The following CNTNAP2 variants were observed in gnomAD, a reference collection of about 807,000 sequenced individuals.
The protein encoded by CNTNAP2 is contactin-associated protein-like 2.
Under a neutral mutation model 155.2 loss-of-function variants are expected in CNTNAP2, and 98 were observed. That is an observed-to-expected ratio of 0.63 (90% CI 0.54 to 0.75). The LOEUF (loss-of-function observed/expected upper bound fraction) is 0.75, where lower values mean the gene tolerates loss of function less well. CNTNAP2 is among the 30% of genes least tolerant of loss of function. CNTNAP2 has a pLI of 0.00. For missense variants in CNTNAP2, 1,727 were observed against 1,688.1 expected (o/e 1.02, Z -0.40); for synonymous variants, 651 against 631.2 (o/e 1.03, Z -0.47).
chr7:147,014,274 G>GT (rs1225201975), intron 3 of CNTNAP2, among the ~76,000 whole-genome samples: 1 of 151,872 alleles, frequency 6.6e-6, no homozygotes, highest in East Asian at 1.9e-4. Context: ...TTTTTCATAG[G>GT]TTTTTTTCTA....
At chr7:147,693,955 T>A (rs376308781) in intron 13 of CNTNAP2, among the ~76,000 whole-genome samples, 6 of 152,238 alleles carry the variant, frequency 3.9e-5, no homozygotes, top group African/African-American at 9.6e-5. Context: ...TTTCTAACTA[T>A]TAAATACATT....
chr7:146,723,987 G>A (rs1801384016), intron 1 of CNTNAP2, among the ~76,000 whole-genome samples: 1 of 152,020 alleles, frequency 6.6e-6, no homozygotes, highest in Admixed American at 6.6e-5. Context: ...CTGTGCACTC[G>A]TTGGGACATA....
At chr7:146,236,809 T>A (rs148987125) in intron 1 of CNTNAP2, among the ~76,000 whole-genome samples, 1 of 150,880 alleles carries the variant, frequency 6.6e-6, no homozygotes, top group Non-Finnish European at 1.5e-5. Flanking sequence ...GATTGTAAGT[T>A]ATTAATTAAT....
At chr7:147,076,484 A>AT (rs766066184) in intron 4 of CNTNAP2, among the ~76,000 whole-genome samples, 11 of 151,750 alleles carry the variant, frequency 7.2e-5, no homozygotes, top group African/African-American at 1.7e-4. Flanking sequence ...GGGTTGTTTG[A>AT]TTTTTTCTTG....
intron 10 of CNTNAP2, among the ~76,000 whole-genome samples, chr7:147,461,147 G>A (rs1798016111): frequency 1.3e-5 from 2 of 152,064 alleles, no homozygotes; most frequent in Non-Finnish European, 2.9e-5. Context: ...TATAAGTGAG[G>A]CCTGCTTCAC....
intron 21 of CNTNAP2, among the ~76,000 whole-genome samples, chr7:148,293,192 G>A (rs1797221382): frequency 2.0e-5 from 3 of 152,062 alleles, no homozygotes; most frequent in South Asian, 2.1e-4. Flanking sequence ...TGCATTCCTG[G>A]ACATTCACGC....
Position 147,133,342 on chromosome 7 carries a change from G to A in CNTNAP2, c.1348+833G>A, listed in dbSNP as rs189397745. Reference sequence around the variant, plus strand: ...TGTGAAGAACTACTTAGAAATGGGAGATACAAAGAAAACTAACATTTACTG... The same window carrying A: ...TGTGAAGAACTACTTAGAAATGGGAAATACAAAGAAAACTAACATTTACTG... On this transcript the variant is annotated intron_variant, in intron 8 of 23. Coordinates refer to ENST00000361727, the MANE Select transcript of CNTNAP2 (RefSeq NM_014141.6). Among the ~76,000 whole-genome samples the A allele has an allele frequency of 3.5e-3, 530 of 152,132 alleles. 4 individuals carry two copies. The highest frequency in any genetic ancestry group is 0.012 in the African/African-American group (514 of 41,532).
intron 1 of CNTNAP2, among the ~76,000 whole-genome samples, chr7:146,505,382 C>T (rs1797367829): frequency 6.6e-6 from 1 of 152,170 alleles, no homozygotes; most frequent in African/African-American, 2.4e-5. Flanking sequence ...AAATACAGGC[C>T]AAGCTTTCAT....
At chr7:148,085,385 C>T (rs1026419874) in intron 15 of CNTNAP2, among the ~76,000 whole-genome samples, 6 of 152,288 alleles carry the variant, frequency 3.9e-5, no homozygotes, top group Admixed American at 3.9e-4. Context: ...TAAGCATCAA[C>T]ATAGCTTTTC....
intron 11 of CNTNAP2, among the ~76,000 whole-genome samples, chr7:147,513,290 A>G (rs1292132838): frequency 6.6e-6 from 1 of 152,112 alleles, no homozygotes; most frequent in Admixed American, 6.5e-5. Flanking sequence ...GTTTGTCTAA[A>G]TGCCCGAATG....
chr7:147,952,260 C>T (rs79784571), intron 14 of CNTNAP2, among the ~76,000 whole-genome samples: 5,950 of 20,458 alleles, frequency 0.29, 1,867 homozygotes, highest in East Asian at 0.6. Flanking sequence ...CTGAACAACA[C>T]GGAGAAACCC....
intron 17 of CNTNAP2, among the ~76,000 whole-genome samples, chr7:148,168,383 T>TA (rs1002440548): frequency 6.6e-6 from 1 of 151,984 alleles, no homozygotes; most frequent in African/African-American, 2.4e-5. Flanking sequence ...TACGCAGCCA[T>TA]AAAAAATGAT....
chr7:146,219,783 C>A (rs1438102461), intron 1 of CNTNAP2, among the ~76,000 whole-genome samples: 3 of 152,106 alleles, frequency 2.0e-5, no homozygotes, highest in African/African-American at 7.2e-5. Flanking sequence ...GAGCTGATGG[C>A]AGCATCTGTG....
intron 1 of CNTNAP2, among the ~76,000 whole-genome samples, chr7:146,698,303 CTGAG>C (rs1185314273): frequency 6.6e-6 from 1 of 151,822 alleles, no homozygotes; most frequent in East Asian, 1.9e-4. Flanking sequence ...ATTTTTTTCT[CTGAG>C]TAATTTCTTT....
At chr7:146,929,051 A>G (rs1449787070) in intron 3 of CNTNAP2, among the ~76,000 whole-genome samples, 1 of 152,216 alleles carries the variant, frequency 6.6e-6, no homozygotes, top group Non-Finnish European at 1.5e-5. Context: ...CTGCAGACTT[A>G]AATGTCCCTG....
chr7:147,604,777 C>T (rs1330732531), intron 12 of CNTNAP2, among the ~76,000 whole-genome samples: 3 of 152,146 alleles, frequency 2.0e-5, no homozygotes, highest in Non-Finnish European at 4.4e-5. Context: ...AATGCACCTG[C>T]ATTATGTTGT....
chr7:146,897,752 G>A (rs751168534), intron 3 of CNTNAP2, among the ~76,000 whole-genome samples: 34 of 151,970 alleles, frequency 2.2e-4, no homozygotes, highest in Non-Finnish European at 3.8e-4. Flanking sequence ...CCACTCTGCA[G>A]AATCAATTGA....
At chr7:146,711,272 TATATA>T (rs1427473828) in intron 1 of CNTNAP2, among the ~76,000 whole-genome samples, 1 of 146,912 alleles carries the variant, frequency 6.8e-6, no homozygotes, top group African/African-American at 2.5e-5. Flanking sequence ...AAATATATAA[TATATA>T]ATAGAAAACA....
At chr7:147,825,539 C>T (rs10280385) in intron 13 of CNTNAP2, among the ~76,000 whole-genome samples, 2,181 of 152,162 alleles carry the variant, frequency 0.014, 52 homozygotes, top group African/African-American at 0.049. Flanking sequence ...AGAAAGAAAA[C>T]ACTGATGTAT....
Sources: allele counts gnomAD v4.1 joint callset (sites outside exome capture counted in the v4.1 genomes callset), GRCh38; gene constraint gnomAD v4.1.1; transcripts MANE v1.5; gene names NCBI Gene and HGNC (gene_info 2026-07-23, HGNC 2026-07-21).